Variants in GPC1 observed in about 807,000 individuals in gnomAD.
GPC1 encodes the protein glypican-1.
Under a neutral mutation model 51.5 loss-of-function variants are expected in GPC1, and 26 were observed. The ratio of observed to expected loss-of-function variants is 0.50; its 90% confidence interval spans 0.37 to 0.70. GPC1 has a LOEUF of 0.70. Ranked by LOEUF, GPC1 falls within the 30% of genes least tolerant of loss-of-function variation. GPC1 has a pLI of 0.00. For synonymous variants in GPC1, 380 were observed against 348.3 expected (o/e 1.09, Z -1.01); for missense variants, 775 against 800.5 (o/e 0.97, Z 0.38).
At chr2:240,438,152 G>A (rs2073995577) in intron 1 of GPC1, among the ~76,000 whole-genome samples, 2 of 152,212 alleles carry the variant, frequency 1.3e-5, no homozygotes, top group African/African-American at 4.8e-5. Flanking sequence ...CTGCTGCCAG[G>A]GCTCGGGGTG....
intron 2 of GPC1, among the ~76,000 whole-genome samples, chr2:240,460,280 G>T (rs548537964): frequency 6.6e-6 from 1 of 152,010 alleles, no homozygotes; most frequent in Non-Finnish European, 1.5e-5. Context: ...CGTGGGATGC[G>T]CGTGGCCCCT....
intron 1 of GPC1, among the ~76,000 whole-genome samples, chr2:240,454,582 C>G (rs1367822915): frequency 6.6e-6 from 1 of 152,212 alleles, no homozygotes; most frequent in Non-Finnish European, 1.5e-5. Context: ...TGTTGGGGGG[C>G]TGCGGTGCCT....
chr2:240,456,881 C>T (rs896252152), intron 1 of GPC1, among the ~76,000 whole-genome samples: 10 of 152,144 alleles, frequency 6.6e-5, no homozygotes. Context: ...GCCTTCCCAC[C>T]CATGTGAGGA....
intron 1 of GPC1, chr2:240,455,084 G>A (rs577489506): frequency 3.5e-4 from 59 of 169,856 alleles, no homozygotes; most frequent in African/African-American, 1.1e-3. Context: ...GTCCAGAACC[G>A]TCAGGATCGG....
rs977091737 is a variant in GPC1, at chr2:240,466,119, G to A, written c.1506G>A (p.Lys502=). The change falls in exon 9 of 9, where the codon AAG becomes AAA. Residue 502 remains lysine (K), a synonymous_variant. Coordinates refer to ENST00000264039, the MANE Select transcript of GPC1 (RefSeq NM_002081.3). ...GTCTGGATGACCTCTGCAGCCGGAA[G>A]GTCAGCAGGAAGAGCTCCAGCTCCC... is the stretch of plus-strand genomic sequence containing the variant. The part of the protein sequence containing the change: ...DGCLDDLCSR[K]VSRKSSSSRT... The A allele has an allele frequency of 1.7e-5, 27 of 1,612,846 alleles. No individual in the cohort carries two copies. Among genetic ancestry groups the A allele is most frequent in the Non-Finnish European group, 1.9e-5 (23 of 1,179,902 alleles).
chr2:240,451,418 T>C (rs1382665965), intron 1 of GPC1: 2 of 369,696 alleles, frequency 5.4e-6, no homozygotes, highest in Non-Finnish European at 1.1e-5. Flanking sequence ...TACGGGAAGC[T>C]AGATGGGAGA....
At chr2:240,454,141 C>T (rs2151792035) in intron 1 of GPC1, among the ~76,000 whole-genome samples, 1 of 152,242 alleles carries the variant, frequency 6.6e-6, no homozygotes, top group East Asian at 1.9e-4. Context: ...GCCGTGGATG[C>T]CGTTGACGAG....
chr2:240,438,662 T>A (rs1380424656), intron 1 of GPC1, among the ~76,000 whole-genome samples: 2 of 152,182 alleles, frequency 1.3e-5, no homozygotes, highest in Non-Finnish European at 2.9e-5. Context: ...GCCCTGGGTG[T>A]GTGGCGGGCC....
At chr2:240,461,462 G>A (rs896120791) in intron 2 of GPC1, among the ~76,000 whole-genome samples, 5 of 152,184 alleles carry the variant, frequency 3.3e-5, no homozygotes, top group African/African-American at 1.2e-4. Context: ...GAAGTCCAGG[G>A]TCCCATCTAG....
intron 1 of GPC1, chr2:240,449,315 C>G (rs2074075374): frequency 7.1e-6 from 1 of 140,356 alleles, no homozygotes; most frequent in Non-Finnish European, 1.5e-5. Flanking sequence ...CGGCAGGCGC[C>G]CCCCCCCACC....
intron 1 of GPC1, among the ~76,000 whole-genome samples, chr2:240,446,227 G>T (rs2074049694): frequency 6.6e-6 from 1 of 152,240 alleles, no homozygotes. Flanking sequence ...CTTGGGCGGA[G>T]CAAGGAGCAG....
At chr2:240,459,261 C>A in intron 2 of GPC1, 73 bp downstream of exon 2, 2 of 1,390,414 alleles carry the variant, frequency 1.4e-6, no homozygotes, top group South Asian at 1.3e-5. Context: ...CTGGGCCTTG[C>A]CTGGTGTGTC....
In GPC1 at chr2:240,453,251, C is replaced by T. The variant is rs866708803; in HGVS notation, c.167-5779C>T. 2.9e-4 allele frequency among the ~76,000 whole-genome samples: 39 copies of T among 133,578 alleles called. 1 individual carries two copies. Among genetic ancestry groups the T allele is most frequent in the African/African-American group, 9.6e-4 (34 of 35,316 alleles). 87.6% of individuals were successfully genotyped at this position (133,578 alleles called of 152,430 possible). A position where few individuals can be genotyped will look rare whatever the true frequency, so the allele number is the denominator to read the frequency against. On this transcript the variant is annotated intron_variant, in intron 1 of 8. Transcript: ENST00000264039. ...CCGTCCCCAGTCCCACCCCACCCGTCGCCCCAGCTGCACCTACCCCTACCC... is the reference window on the plus strand; with the variant it reads ...CCGTCCCCAGTCCCACCCCACCCGTTGCCCCAGCTGCACCTACCCCTACCC...
chr2:240,444,370 G>A (rs1185265074), intron 1 of GPC1, among the ~76,000 whole-genome samples: 1 of 152,152 alleles, frequency 6.6e-6, no homozygotes, highest in Admixed American at 6.5e-5. Context: ...GGGGCTTCCG[G>A]GGACTCCCAA....
chr2:240,447,972 G>T lies in GPC1; in HGVS notation c.167-11058G>T, dbSNP rs1427414724. ...GCAGTGTCGGCGCTCCCATTCGCTG[G>T]CTCTGGGTGTGAGATGGTGGAAATG... On this transcript the variant is annotated intron_variant, in intron 1 of 8. Coordinates refer to ENST00000264039, the MANE Select transcript of GPC1 (RefSeq NM_002081.3). Among the ~76,000 whole-genome samples, 4 of 152,144 alleles carry T rather than the reference G, an allele frequency of 2.6e-5. No homozygotes were observed. The East Asian group carries it at 7.7e-4, about 29-fold the overall frequency.
At position 240,465,593 on chromosome 2, in the gene GPC1, G is replaced by A; in HGVS notation, c.1389G>A (p.Met463Ile). The stretch of plus-strand genomic sequence containing the variant: ...AGCAGATCATGCAGCTGAAGATCAT[G>A]ACCAACCGGCTGCGCAGCGCCTACA... ...IRQQIMQLKI[M>I]TNRLRSAYNG... Residue 463 changes from methionine (M) to isoleucine (I), a missense_variant, in exon 8 of 9, where the codon ATG becomes ATA. Coordinates refer to ENST00000264039, the MANE Select transcript of GPC1 (RefSeq NM_002081.3). The A allele has an allele frequency of 6.2e-7, 1 of 1,613,114 alleles. No individual in the cohort carries two copies. Among genetic ancestry groups the A allele is most frequent in the Non-Finnish European group, 8.5e-7 (1 of 1,180,006 alleles).
chr2:240,436,745 G>A (rs2073986809), intron 1 of GPC1, among the ~76,000 whole-genome samples: 1 of 152,252 alleles, frequency 6.6e-6, no homozygotes, highest in Admixed American at 6.5e-5. Context: ...TCCTGTCGAA[G>A]AACTTGTACG....
rs1261833116 is a variant in GPC1 at position 240,448,035 on chromosome 2, A to G, written c.167-10995A>G. Among the ~76,000 whole-genome samples the G allele has an allele frequency of 2.0e-5, 3 of 152,200 alleles. No homozygotes were observed. The highest frequency in any genetic ancestry group is 7.2e-5 in the African/African-American group (3 of 41,458). On this transcript the variant is annotated intron_variant, in intron 1 of 8. Coordinates refer to ENST00000264039, the MANE Select transcript of GPC1 (RefSeq NM_002081.3). The surrounding 1 kb of genome is among the most constrained non-coding windows in gnomAD (Gnocchi z 4.5). ...GCTGCCAGGCCATTCTGGGTGGAACACAGTGTCCCCAGGGCACAGTGACAG... is the reference window on the plus strand; with the variant it reads ...GCTGCCAGGCCATTCTGGGTGGAACGCAGTGTCCCCAGGGCACAGTGACAG...
intron 1 of GPC1, chr2:240,454,769 CT>C (rs2074140837): frequency 6.5e-6 from 1 of 154,880 alleles, no homozygotes; most frequent in African/African-American, 2.4e-5. Flanking sequence ...GCCGTGGAAG[CT>C]TCTGGAGGGA....
Sources: gnomAD v4.1 joint callset for allele counts (sites outside exome capture counted in the v4.1 genomes callset) on GRCh38, gnomAD v4.1.1 for gene constraint, Gnocchi (gnomAD v3.1) non-coding constraint, MANE v1.5 for transcripts, NCBI Gene and HGNC (gene_info 2026-07-23, HGNC 2026-07-21) for gene names.